TRAF5: variants seen among roughly 807,000 people sequenced by gnomAD.
TRAF5 encodes the protein TNF receptor associated factor 5.
TRAF5 carries 48 observed loss-of-function variants against 64.5 expected under a neutral mutation model. The ratio of observed to expected loss-of-function variants is 0.74; its 90% confidence interval spans 0.59 to 0.95. The LOEUF is 0.95. TRAF5 is among the 40% of genes least tolerant of loss of function. The pLI, the probability that TRAF5 is intolerant of heterozygous loss-of-function variation, is 0.00. For synonymous variants in TRAF5, 206 were observed against 240.5 expected (o/e 0.86, Z 1.33); for missense variants, 545 against 662.8 (o/e 0.82, Z 1.95).
chr1:211,328,477 T>C (rs1165569955), intron 1 of TRAF5, among the ~76,000 whole-genome samples: 1 of 152,166 alleles, frequency 6.6e-6, no homozygotes, highest in East Asian at 1.9e-4. Context: ...AGAGGCCTGT[T>C]GTGACGGGCA....
At chr1:211,333,111 C>A (rs1375083007) in intron 1 of TRAF5, among the ~76,000 whole-genome samples, 1 of 152,212 alleles carries the variant, frequency 6.6e-6, no homozygotes, top group African/African-American at 2.4e-5. Context: ...TACCTCGTAA[C>A]AGAAGTGCTA....
chr1:211,336,927 G>A (rs146012834), intron 1 of TRAF5, among the ~76,000 whole-genome samples: 6,162 of 152,192 alleles, frequency 0.04, 167 homozygotes, highest in Middle Eastern at 0.13. Flanking sequence ...CCAAAGTGCC[G>A]GGATTAAAGG....
intron 1 of TRAF5, among the ~76,000 whole-genome samples, chr1:211,347,858 A>C (rs543190946): frequency 3.9e-5 from 6 of 152,228 alleles, no homozygotes; most frequent in Non-Finnish European, 7.3e-5. Flanking sequence ...AATTGTGTGC[A>C]TCTCTTTCCC....
intron 5 of TRAF5, 104 bp from the exon 6 acceptor site, chr1:211,360,598 A>G: frequency 1.2e-6 from 1 of 857,356 alleles, no homozygotes; most frequent in Non-Finnish European, 1.9e-6. Flanking sequence ...AACTTCCTGT[A>G]GAGAGTAAGC....
intron 1 of TRAF5, among the ~76,000 whole-genome samples, chr1:211,348,371 T>C (rs1291590796): frequency 6.6e-6 from 1 of 152,190 alleles, no homozygotes; most frequent in Non-Finnish European, 1.5e-5. Flanking sequence ...CTCTCAAGTA[T>C]GGTAAATATG....
chr1:211,359,829 TCTCC>T, intron 4 of TRAF5, 79 bp from the exon 5 acceptor site: 1 of 1,557,826 alleles, frequency 6.4e-7, no homozygotes, highest in Non-Finnish European at 8.8e-7. Context: ...CCCTGTTCTC[TCTCC>T]CTCCCTAGGC....
At chr1:211,342,215 A>C in intron 1 of TRAF5, among the ~76,000 whole-genome samples, 1 of 152,228 alleles carries the variant, frequency 6.6e-6, no homozygotes, top group East Asian at 1.9e-4. Context: ...AAAACATGTG[A>C]TGGGCCAACC....
intron 1 of TRAF5, among the ~76,000 whole-genome samples, chr1:211,337,682 G>T (rs1702339479): frequency 6.6e-6 from 1 of 152,290 alleles, no homozygotes; most frequent in South Asian, 2.1e-4. Context: ...TGACAGTGGC[G>T]AGGAGGAGAG....
intron 1 of TRAF5, among the ~76,000 whole-genome samples, chr1:211,344,465 G>A (rs1383434639): frequency 7.2e-5 from 11 of 152,174 alleles, no homozygotes; most frequent in African/African-American, 2.4e-4. Flanking sequence ...ACAGTGCGTC[G>A]GTGGACTGTG....
intron 6 of TRAF5, 85 bp from the exon 7 acceptor site, chr1:211,361,003 T>C (rs1382631712): frequency 4.3e-6 from 6 of 1,402,676 alleles, no homozygotes; most frequent in Non-Finnish European, 6.0e-6. Flanking sequence ...CCTTGCCTTC[T>C]TCCCAAGCCA....
chr1:211,327,092 G>C (rs1329464047), intron 1 of TRAF5, among the ~76,000 whole-genome samples: 1 of 151,940 alleles, frequency 6.6e-6, no homozygotes, highest in Non-Finnish European at 1.5e-5. Context: ...GCGGGAGACC[G>C]GCGGGGCAGG....
intron 1 of TRAF5, among the ~76,000 whole-genome samples, chr1:211,347,800 G>A (rs1224075997): frequency 2.0e-5 from 3 of 152,222 alleles, no homozygotes; most frequent in Admixed American, 2.0e-4. Context: ...GCTCTTACTA[G>A]GAAGTCACTT....
At chr1:211,333,087 G>A (rs1338337533) in intron 1 of TRAF5, among the ~76,000 whole-genome samples, 1 of 152,176 alleles carries the variant, frequency 6.6e-6, no homozygotes, top group Non-Finnish European at 1.5e-5. Flanking sequence ...GACCTCTCTA[G>A]CCCTCATCTC....
intron 7 of TRAF5, among the ~76,000 whole-genome samples, chr1:211,364,450 G>C (rs183850196): frequency 2.6e-5 from 4 of 152,302 alleles, no homozygotes; most frequent in African/African-American, 9.6e-5. Flanking sequence ...ACTTTGGGAG[G>C]CCAAGGCAGG....
At position 211,360,691 on chromosome 1, in the gene TRAF5, C is replaced by A. The variant is rs1273401004; in HGVS notation, c.544-11C>A. ...ACAACCCTTTGTTTTATTGCACTTT[C>A]TCTATTTCAGAATCATGAGGAAAAC... On this transcript the variant is annotated splice_polypyrimidine_tract_variant and intron_variant, in intron 5 of 10. Coordinates refer to ENST00000261464, the MANE Select transcript of TRAF5 (RefSeq NM_001033910.3). 1.2e-6 allele frequency: 2 copies of A among 1,609,822 alleles called. No homozygotes were observed. Among genetic ancestry groups the A allele is most frequent in the African/African-American group, 1.3e-5 (1 of 74,804 alleles).
intron 1 of TRAF5, among the ~76,000 whole-genome samples, chr1:211,350,360 C>A (rs1702749893): frequency 6.6e-6 from 1 of 151,180 alleles, no homozygotes; most frequent in Non-Finnish European, 1.5e-5. Context: ...TGTGCGAAGG[C>A]CCTGTGGCAT....
intron 1 of TRAF5, among the ~76,000 whole-genome samples, chr1:211,348,254 C>T (rs1259394061): frequency 3.3e-5 from 5 of 152,136 alleles, no homozygotes; most frequent in African/African-American, 7.2e-5. Context: ...ACTCTTCTCA[C>T]TAATTCTTTT....
Position 211,353,260 on chromosome 1 carries a change from T to C in TRAF5, c.21T>C (p.His7=). The part of the protein sequence containing the change: MAYSEE[H]KGMPCGFIRQ... Reference sequence around the variant, plus strand: ...GCAGAATGGCTTATTCAGAAGAGCATAAAGGTATGCCCTGTGGTTTCATCC... The same window carrying C: ...GCAGAATGGCTTATTCAGAAGAGCACAAAGGTATGCCCTGTGGTTTCATCC... Residue 7 remains histidine (H), a synonymous_variant, in exon 2 of 11, where the codon CAT becomes CAC. Transcript: ENST00000261464. 2 of 1,614,264 alleles carry C rather than the reference T, an allele frequency of 1.2e-6. No homozygotes were observed. The highest frequency in any genetic ancestry group is 8.5e-7 in the Non-Finnish European group (1 of 1,180,046).
At chr1:211,329,897 G>A (rs1054234652) in intron 1 of TRAF5, among the ~76,000 whole-genome samples, 4 of 152,210 alleles carry the variant, frequency 2.6e-5, no homozygotes, top group African/African-American at 9.7e-5. Flanking sequence ...ACCCAGGAGT[G>A]GGCCAGCATG....
Sources: gnomAD v4.1 joint callset for allele counts (sites outside exome capture counted in the v4.1 genomes callset) on GRCh38, gnomAD v4.1.1 for gene constraint, MANE v1.5 for transcripts, NCBI Gene and HGNC (gene_info 2026-07-23, HGNC 2026-07-21) for gene names.